The following SPIRE2 variants were observed in gnomAD, a reference collection of about 807,000 sequenced individuals.
SPIRE2 encodes spire type actin nucleation factor 2, also known as protein spire homolog 2.
A neutral mutation model predicts 80.7 loss-of-function variants in SPIRE2; 76 were observed. The ratio of observed to expected loss-of-function variants is 0.94; its 90% CI spans 0.78 to 1.14. The LOEUF (loss-of-function observed/expected upper bound fraction) is 1.14, where lower values mean the gene tolerates loss of function less well. Among genes scored for constraint, SPIRE2 ranks in the 50% most tolerant of loss-of-function variants. The pLI is 0.00. For missense variants in SPIRE2, 1,196 were observed against 1,015.3 expected, an observed-to-expected ratio of 1.18 and a Z score of -2.42; for synonymous variants, 535 against 432.6, an observed-to-expected ratio of 1.24 and a Z score of -2.94.
intron 12 of SPIRE2, among the ~76,000 whole-genome samples, chr16:89,866,852 G>T (rs1210899947): frequency 2.0e-5 from 3 of 151,402 alleles, no homozygotes; most frequent in African/African-American, 7.3e-5. Context: ...CTCGTGATCT[G>T]CCCATCTCGG....
In SPIRE2 at chr16:89,845,304, C is replaced by T; in HGVS notation, c.245-18C>T. 1 of 1,613,774 alleles carries T rather than the reference C, an allele frequency of 6.2e-7. No individual in the cohort carries two copies. Among genetic ancestry groups the T allele is most frequent in the Non-Finnish European group, 8.5e-7 (1 of 1,179,648 alleles). ...CCGGGGATGCTGACAAATAACTTAA[C>T]TCCCTCTTCTCTTACAGAACCTGCA... On this transcript the variant is annotated intron_variant, in intron 1 of 14. Coordinates refer to ENST00000378247, the MANE Select transcript of SPIRE2 (RefSeq NM_032451.2).
Position 89,863,208 on chromosome 16 carries a change from G to A in SPIRE2, c.1576-268G>A. On this transcript the variant is annotated intron_variant, in intron 10 of 14. Coordinates refer to ENST00000378247, the MANE Select transcript of SPIRE2 (RefSeq NM_032451.2). This position sits in a 1 kb window ranked among gnomAD's most constrained non-coding sequence, Gnocchi z 4.3. ...GCAGGGACACCTTGAACAGACATGG[G>A]CTGAGGGGAGTTTGTGTGGAGCGTG... is the stretch of plus-strand genomic sequence containing the variant. 1 of 521,516 alleles carries A rather than the reference G, an allele frequency of 1.9e-6. No individual in the cohort carries two copies. Among genetic ancestry groups the A allele is most frequent in the Non-Finnish European group, 3.5e-6 (1 of 287,702 alleles). 32.3% of individuals were successfully genotyped at this position (521,516 alleles called of 1,614,324 possible).
At chr16:89,836,770 G>A (rs867783977) in intron 1 of SPIRE2, among the ~76,000 whole-genome samples, 12 of 151,188 alleles carry the variant, frequency 7.9e-5, no homozygotes, top group African/African-American at 1.5e-4. Context: ...ACCTGAGGTC[G>A]GGAGTTCGAG....
intron 3 of SPIRE2, among the ~76,000 whole-genome samples, chr16:89,854,057 G>C (rs1165620358): frequency 6.6e-6 from 1 of 152,292 alleles, no homozygotes; most frequent in Non-Finnish European, 1.5e-5. Context: ...AGGAAATGCT[G>C]TGTGGACTGA....
At chr16:89,835,901 G>A (rs998244795) in intron 1 of SPIRE2, among the ~76,000 whole-genome samples, 1 of 152,154 alleles carries the variant, frequency 6.6e-6, no homozygotes, top group African/African-American at 2.4e-5. Context: ...TGGGCCAGGT[G>A]TGGTGGCTCA....
In SPIRE2 at chr16:89,868,126, T is replaced by C. The variant is rs578108432; in HGVS notation, c.1779-63T>C. The C allele has an allele frequency of 3.7e-6, 6 of 1,600,288 alleles. No individual in the cohort carries two copies. In the African/African-American group the frequency reaches 4.0e-5, roughly 11 times the overall value. On this transcript the variant is annotated intron_variant, in intron 12 of 14. Transcript: ENST00000378247. The stretch of plus-strand genomic sequence containing the variant: ...GGATGCGTGGAGGCCGGGATGCGAC[T>C]GTTTCTCAGCTGTTTGTGGGCTTCC...
Position 89,854,513 on chromosome 16 carries a change from G to C in SPIRE2, c.753G>C (p.Arg251=). The C allele has an allele frequency of 2.5e-6, 4 of 1,612,662 alleles. No homozygotes were observed. Among genetic ancestry groups the C allele is most frequent in the Non-Finnish European group, 3.4e-6 (4 of 1,179,868 alleles). ...DWARLWVQLM[R]ELRRGVKLKK... ...CCCGACTGTGGGTTCAGCTCATGCG[G>C]GAGCTCCGCCGCGGAGTGAAGCTGA... is the stretch of plus-strand genomic sequence containing the variant. Residue 251 remains arginine (R), a synonymous_variant, in exon 5 of 15, where the codon CGG becomes CGC. Transcript: ENST00000378247.
chr16:89,837,760 G>A (rs940168175), intron 1 of SPIRE2, among the ~76,000 whole-genome samples: 2 of 152,230 alleles, frequency 1.3e-5, no homozygotes, highest in Non-Finnish European at 2.9e-5. Context: ...TGTTGAGGAG[G>A]AGGACGCCCC....
chr16:89,856,964 GC>G (rs1416263534), intron 7 of SPIRE2, among the ~76,000 whole-genome samples: 3 of 151,376 alleles, frequency 2.0e-5, no homozygotes, highest in Non-Finnish European at 4.4e-5. Context: ...TGCTCCAGGG[GC>G]TGAGGTGGGA....
chr16:89,831,967 C>T lies in SPIRE2; in HGVS notation c.244+3173C>T, dbSNP rs1013672136. Among the ~76,000 whole-genome samples, 7 of 139,324 alleles carry T rather than the reference C, an allele frequency of 5.0e-5. 1 individual carries two copies. The highest frequency in any genetic ancestry group is 1.3e-4 in the Admixed American group (2 of 14,830). The allele number at this position is 139,324 out of a possible 152,430, so 91.4% of individuals were successfully genotyped here. On this transcript the variant is annotated intron_variant, in intron 1 of 14. Coordinates refer to ENST00000378247, the MANE Select transcript of SPIRE2 (RefSeq NM_032451.2). ...AACATCCATAGTGATCTAGGCAGCA[C>T]GGGGCACCGTGTCCACGTCCAGAGC...
At chr16:89,831,759 G>T (rs1224711609) in intron 1 of SPIRE2, among the ~76,000 whole-genome samples, 1 of 151,032 alleles carries the variant, frequency 6.6e-6, no homozygotes, top group East Asian at 1.9e-4. Context: ...CACGTTGCTG[G>T]TCCTCCAGGT....
intron 9 of SPIRE2, among the ~76,000 whole-genome samples, chr16:89,859,806 G>A (rs2041726691): frequency 6.6e-6 from 1 of 152,118 alleles, no homozygotes; most frequent in African/African-American, 2.4e-5. Flanking sequence ...GCTGTGCAGG[G>A]CTGGTCCTAC....
intron 3 of SPIRE2, among the ~76,000 whole-genome samples, chr16:89,853,090 C>G (rs1182214725): frequency 6.6e-6 from 1 of 152,192 alleles, no homozygotes; most frequent in Non-Finnish European, 1.5e-5. Flanking sequence ...ACGTTCCCCA[C>G]AATTAGCAGA....
In SPIRE2 at chr16:89,855,608, G is replaced by A. The variant is rs758815410; in HGVS notation, c.900G>A (p.Gly300=). 6.8e-6 allele frequency: 11 copies of A among 1,612,538 alleles called. No homozygotes were observed. Among genetic ancestry groups the A allele is most frequent in the Non-Finnish European group, 9.3e-6 (11 of 1,179,898 alleles). ...AGCCGTCCTCCCCGCAGGTGGATGG[G>A]GACATCCCGCCCCGGGTGAAGAAGG... is the stretch of plus-strand genomic sequence containing the variant. The part of the protein sequence containing the change: ...NYKLRKVMVD[G]DIPPRVKKDA... The change falls in exon 6 of 15, where the codon GGG becomes GGA. Residue 300 remains glycine, a synonymous_variant. Transcript: ENST00000378247.
rs979226987 is a variant in SPIRE2 at position 89,854,548 on chromosome 16, A to G, written c.788A>G (p.Gln263Arg). The part of the protein sequence containing the change: ...LRRGVKLKKV[Q>R]EQEFNPLPTE... ...CGCGGAGTGAAGCTGAAGAAGGTGC[A>G]AGAGCAGGAGTTCAACCCCCTCCCC... Residue 263 changes from glutamine to arginine, a missense_variant, in exon 5 of 15, where the codon CAA becomes CGA. Physicochemically the swap from Gln to Arg is conservative, Grantham distance 43. Transcript: ENST00000378247. 3.7e-6 allele frequency: 6 copies of G among 1,612,738 alleles called. No individual in the cohort carries two copies. The African/African-American group carries it at 4.0e-5, about 11-fold the overall frequency.
chr16:89,864,620 G>A (rs569272994), intron 12 of SPIRE2, among the ~76,000 whole-genome samples: 3 of 152,162 alleles, frequency 2.0e-5, no homozygotes, highest in Non-Finnish European at 4.4e-5. Context: ...GGTTTCCACC[G>A]GCCACAGGCA....
intron 8 of SPIRE2, among the ~76,000 whole-genome samples, 199 bp from the exon 9 acceptor site, chr16:89,858,966 G>A (rs564950216): frequency 2.6e-5 from 4 of 152,148 alleles, no homozygotes; most frequent in Non-Finnish European, 4.4e-5. Context: ...GTCCCTTTCC[G>A]GAAGGCCTGG....
chr16:89,859,746 G>A (rs2041725623), intron 9 of SPIRE2, among the ~76,000 whole-genome samples: 1 of 152,126 alleles, frequency 6.6e-6, no homozygotes, highest in South Asian at 2.1e-4. Context: ...CCTGAGCCGT[G>A]ATTCCTTCGA....
intron 1 of SPIRE2, among the ~76,000 whole-genome samples, chr16:89,844,871 C>G (rs1246492258): frequency 1.3e-5 from 2 of 152,224 alleles, no homozygotes; most frequent in African/African-American, 2.4e-5. Flanking sequence ...GTGTGAGCCA[C>G]CACATCTGGC....
Sources: allele counts gnomAD v4.1 joint callset (sites outside exome capture counted in the v4.1 genomes callset), GRCh38; gene constraint gnomAD v4.1.1; non-coding constraint Gnocchi (gnomAD v3.1); transcripts MANE v1.5; gene names NCBI Gene and HGNC (gene_info 2026-07-23, HGNC 2026-07-21).